Variants in RNF180 observed in about 807,000 individuals in gnomAD.
RNF180 encodes the protein E3 ubiquitin-protein ligase RNF180.
RNF180 carries 38 observed loss-of-function variants against 59.2 expected under a neutral mutation model. That is an observed-to-expected ratio of 0.64 (90% CI 0.50 to 0.84). The LOEUF (loss-of-function observed/expected upper bound fraction) is 0.84, where lower values mean the gene tolerates loss of function less well. RNF180 is among the 40% of genes least tolerant of loss of function. The probability of loss-of-function intolerance (pLI) is 0.00; values close to 1 mark genes in which losing one functional copy is unlikely to be tolerated. For synonymous variants in RNF180, 262 were observed against 240.3 expected (o/e 1.09, Z -0.84); for missense variants, 705 against 700.9 (o/e 1.01, Z -0.07).
intron 2 of RNF180, among the ~76,000 whole-genome samples, chr5:64,207,528 G>C (rs1752078654): frequency 6.6e-6 from 1 of 152,182 alleles, no homozygotes; most frequent in African/African-American, 2.4e-5. Flanking sequence ...GTATGGTCTT[G>C]TAAGTCAAAG....
At chr5:64,323,532 G>T (rs564194529) in intron 5 of RNF180, among the ~76,000 whole-genome samples, 1 of 151,136 alleles carries the variant, frequency 6.6e-6, no homozygotes, top group South Asian at 2.1e-4. Flanking sequence ...AGTAAGACTC[G>T]GTGTCAAAAT....
chr5:64,330,395 A>T lies in RNF180; in HGVS notation c.1568A>T (p.His523Leu). The T allele has an allele frequency of 6.5e-7, 1 of 1,537,116 alleles. No homozygotes were observed. The highest frequency in any genetic ancestry group is 8.7e-7 in the Non-Finnish European group (1 of 1,143,884). The part of the protein sequence containing the change: ...WPLPSCRKAF[H>L]LFGGFRRHAA... ...CTACCAAGCTGCAGAAAAGCATTTC[A>T]TCTTTTTGGAGGTAAGGAAATCTAA... Residue 523 changes from histidine to leucine, a missense_variant, in exon 7 of 8, where the codon CAT becomes CTT. His to Leu is a moderately conservative substitution (Grantham distance 99). Transcript: ENST00000389100.
intron 6 of RNF180, 52 bp downstream of exon 6, chr5:64,325,463 G>A: frequency 8.3e-7 from 1 of 1,199,186 alleles, no homozygotes; most frequent in East Asian, 2.6e-5. Flanking sequence ...ACCTCTTATA[G>A]TTCTAAAGGT....
intron 5 of RNF180, among the ~76,000 whole-genome samples, chr5:64,242,707 G>A (rs1221957850): frequency 2.0e-5 from 3 of 152,142 alleles, no homozygotes; most frequent in Non-Finnish European, 4.4e-5. Context: ...AATAATACAG[G>A]TAAAGGAAAG....
upstream of RNF180, among the ~76,000 whole-genome samples, chr5:64,165,665 A>C (rs1327920022): frequency 6.6e-6 from 1 of 152,166 alleles, no homozygotes; most frequent in Non-Finnish European, 1.5e-5. Flanking sequence ...GCGCGGGGTC[A>C]AAGCCCGGCG....
At chr5:64,169,871 A>G (rs1272621581) in intron 1 of RNF180, among the ~76,000 whole-genome samples, 1 of 152,240 alleles carries the variant, frequency 6.6e-6, no homozygotes, top group Non-Finnish European at 1.5e-5. Context: ...GATAAATTCT[A>G]ATCATTACTT....
intron 5 of RNF180, among the ~76,000 whole-genome samples, chr5:64,223,968 C>A (rs1741508585): frequency 6.6e-6 from 1 of 151,780 alleles, no homozygotes; most frequent in South Asian, 2.1e-4. Flanking sequence ...TTGCTTTGGC[C>A]AAGACCTTGA....
chr5:64,280,364 C>A (rs1014508056), intron 5 of RNF180, among the ~76,000 whole-genome samples: 1 of 151,950 alleles, frequency 6.6e-6, no homozygotes, highest in African/African-American at 2.4e-5. Flanking sequence ...GTTGCTTTGT[C>A]TTTGTAATGA....
At chr5:64,261,985 A>C (rs963546825) in intron 5 of RNF180, among the ~76,000 whole-genome samples, 59 of 152,150 alleles carry the variant, frequency 3.9e-4, no homozygotes, top group Non-Finnish European at 7.3e-5. Context: ...GAACAAAGCT[A>C]TATTGTTACT....
chr5:64,291,617 C>T (rs979159886), intron 5 of RNF180, among the ~76,000 whole-genome samples: 41 of 151,226 alleles, frequency 2.7e-4, no homozygotes, highest in Non-Finnish European at 4.3e-4. Context: ...TTAGTAGAGA[C>T]GGGGTTTCAC....
chr5:64,189,813 G>A (rs1465155241), intron 1 of RNF180, among the ~76,000 whole-genome samples: 1 of 152,172 alleles, frequency 6.6e-6, no homozygotes, highest in African/African-American at 2.4e-5. Flanking sequence ...TGGGATTATA[G>A]CAGCAGAGAT....
intron 5 of RNF180, among the ~76,000 whole-genome samples, chr5:64,317,582 A>G (rs1330231386): frequency 6.9e-6 from 1 of 144,564 alleles, no homozygotes; most frequent in East Asian, 2.0e-4. Context: ...ATATACACAT[A>G]TATATACATA....
chr5:64,215,954 C>G (rs1278536865), intron 4 of RNF180, among the ~76,000 whole-genome samples: 1 of 151,894 alleles, frequency 6.6e-6, no homozygotes, highest in Non-Finnish European at 1.5e-5. Context: ...TACTCTTATA[C>G]ACAGTTTAGA....
intron 1 of RNF180, among the ~76,000 whole-genome samples, chr5:64,191,182 A>G (rs1225086055): frequency 1.3e-5 from 2 of 152,232 alleles, no homozygotes; most frequent in Non-Finnish European, 2.9e-5. Flanking sequence ...AAAGTTACAG[A>G]AAGTTCCCAT....
At chr5:64,204,436 T>G (rs1237307164) in intron 2 of RNF180, among the ~76,000 whole-genome samples, 1 of 152,232 alleles carries the variant, frequency 6.6e-6, no homozygotes, top group East Asian at 1.9e-4. Flanking sequence ...AGCATTGCTG[T>G]AATTTCACGT....
intron 5 of RNF180, among the ~76,000 whole-genome samples, chr5:64,259,111 A>T (rs1312208099): frequency 6.6e-6 from 1 of 152,074 alleles, no homozygotes; most frequent in Non-Finnish European, 1.5e-5. Flanking sequence ...ATGGGGCGGG[A>T]GTGGGTGGAA....
chr5:64,349,261 G>A (rs545246534), intron 7 of RNF180, among the ~76,000 whole-genome samples: 1 of 151,996 alleles, frequency 6.6e-6, no homozygotes, highest in South Asian at 2.1e-4. Context: ...ACATTAATGA[G>A]GGTTGCTTAT....
chr5:64,350,761 G>A (rs4270647), intron 7 of RNF180, among the ~76,000 whole-genome samples: 3 of 151,958 alleles, frequency 2.0e-5, no homozygotes, highest in Non-Finnish European at 2.9e-5. Flanking sequence ...CTGTTCCATT[G>A]GTCTATATCT....
chr5:64,339,495 A>C (rs557170311), intron 7 of RNF180, among the ~76,000 whole-genome samples: 26 of 152,170 alleles, frequency 1.7e-4, no homozygotes, highest in Non-Finnish European at 2.6e-4. Context: ...TGTATTGGAA[A>C]ATTAGCACCT....
Sources: gnomAD v4.1 joint callset for allele counts (sites outside exome capture counted in the v4.1 genomes callset) on GRCh38, gnomAD v4.1.1 for gene constraint, MANE v1.5 for transcripts, NCBI Gene and HGNC (gene_info 2026-07-23, HGNC 2026-07-21) for gene names.